Variants in HORMAD1 observed in about 807,000 individuals in gnomAD.
HORMAD1 encodes HORMA domain containing 1.
In HORMAD1, 33 loss-of-function variants were observed where a neutral mutation model predicts 58.2. The ratio of observed to expected loss-of-function variants is 0.57; its 90% confidence interval spans 0.43 to 0.76. The LOEUF is 0.76. HORMAD1 is among the 30% of genes least tolerant of loss of function. HORMAD1 has a pLI of 0.00. For missense variants in HORMAD1, 363 were observed against 462.0 expected (o/e 0.79, Z 1.96); for synonymous variants, 137 against 144.6 (o/e 0.95, Z 0.38).
chr1:150,714,223 A>C, intron 4 of HORMAD1, 102 bp from the exon 5 acceptor site: 1 of 680,992 alleles, frequency 1.5e-6, no homozygotes, highest in Non-Finnish European at 2.5e-6. Flanking sequence ...TAATACAAAA[A>C]TGTCTTATTA....
Position 150,698,747 on chromosome 1 carries a change from A to T in HORMAD1, c.1105-13T>A. The T allele has an allele frequency of 6.9e-7, 1 of 1,445,524 alleles. No individual in the cohort carries two copies. Among genetic ancestry groups the T allele is most frequent in the Non-Finnish European group, 9.6e-7 (1 of 1,038,640 alleles). The allele number at this position is 1,445,524 out of a possible 1,614,324, so 89.5% of individuals were successfully genotyped here. On this transcript the variant is annotated splice_polypyrimidine_tract_variant and intron_variant, in intron 14 of 14. Coordinates refer to ENST00000361824, the MANE Select transcript of HORMAD1 (RefSeq NM_032132.5). ...AGTGATGGAGGACCTGTCAAAAGAA[A>T]ACAACTACTAAGAATAGATACTTTC...
intron 8 of HORMAD1, 131 bp from the exon 9 acceptor site, chr1:150,708,538 G>C (rs1196397304): frequency 1.1e-5 from 6 of 535,208 alleles, no homozygotes; most frequent in Non-Finnish European, 1.9e-5. Flanking sequence ...GTTACCATGT[G>C]TTTTAATGTC....
chr1:150,699,135 A>G (rs1451503260), intron 14 of HORMAD1, among the ~76,000 whole-genome samples: 1 of 152,234 alleles, frequency 6.6e-6, no homozygotes, highest in African/African-American at 2.4e-5. Flanking sequence ...TTGAGACGTT[A>G]ACATTTGAGT....
rs1651990283 is a variant in HORMAD1, at chr1:150,714,132, A to C, written c.243-11T>G. 1 of 1,493,114 alleles carries C rather than the reference A, an allele frequency of 6.7e-7. No individual in the cohort carries two copies. Among genetic ancestry groups the C allele is most frequent in the African/African-American group, 1.4e-5 (1 of 71,432 alleles). The allele number at this position is 1,493,114 out of a possible 1,614,324, so 92.5% of individuals were successfully genotyped here. ...TAACATCCTAGCATCCTAAAAAAAAAATCAAGGATTCATTTTTAGACTGAA... is the reference window on the plus strand; with the variant it reads ...TAACATCCTAGCATCCTAAAAAAAACATCAAGGATTCATTTTTAGACTGAA... On this transcript the variant is annotated splice_polypyrimidine_tract_variant and intron_variant, in intron 4 of 14. Coordinates refer to ENST00000361824, the MANE Select transcript of HORMAD1 (RefSeq NM_032132.5).
chr1:150,706,690 T>G lies in HORMAD1; in HGVS notation c.667A>C (p.Lys223Gln), dbSNP rs1651704814. ...GEVSTPFHIF[K>Q]VKVTTERERM... Reference sequence around the variant, plus strand: ...TCTCTCTCAGTGGTCACTTTTACTTTGAAGATGTGAAAAGGTGTTGAGACT... The same window carrying G: ...TCTCTCTCAGTGGTCACTTTTACTTGGAAGATGTGAAAAGGTGTTGAGACT... Residue 223 changes from lysine to glutamine, a missense_variant, in exon 10 of 15, where the codon AAA becomes CAA. Lys to Gln is a moderately conservative substitution (Grantham distance 53, BLOSUM62 1). Transcript: ENST00000361824. 1 of 1,613,810 alleles carries G rather than the reference T, an allele frequency of 6.2e-7. No homozygotes were observed. Among genetic ancestry groups the G allele is most frequent in the South Asian group, 1.1e-5 (1 of 91,082 alleles).
chr1:150,713,101 C>G (rs1164670935), intron 5 of HORMAD1, among the ~76,000 whole-genome samples: 1 of 152,168 alleles, frequency 6.6e-6, no homozygotes, highest in African/African-American at 2.4e-5. Flanking sequence ...AAAATCAATG[C>G]CTGGCTGGTT....
In HORMAD1 at chr1:150,698,562, T is replaced by C. The variant is rs587678125; in HGVS notation, c.*92A>G. Reference sequence around the variant, plus strand: ...AGTGTACAAACTGCTTTAAACTACATATACATCTTCAGAGTTAGGGAAATA... The same window carrying C: ...AGTGTACAAACTGCTTTAAACTACACATACATCTTCAGAGTTAGGGAAATA... On this transcript the variant is annotated 3_prime_UTR_variant, in exon 15 of 15. Transcript: ENST00000361824. The C allele has an allele frequency of 3.0e-6, 2 of 664,632 alleles. No homozygotes were observed. Among genetic ancestry groups the C allele is most frequent in the South Asian group, 4.3e-5 (2 of 46,246 alleles). The allele number at this position is 664,632 out of a possible 1,614,324, so 41.2% of individuals were successfully genotyped here.
intron 2 of HORMAD1, among the ~76,000 whole-genome samples, chr1:150,718,975 T>TTCAAAATACTTCA (rs879379630): frequency 0.54 from 24,864 of 46,208 alleles, 12,278 homozygotes; most frequent in Middle Eastern, 0.68. Flanking sequence ...TCTCAATTAA[T>TTCAAAATACTTCA]GCCGGGCGCG....
Position 150,698,621 on chromosome 1 carries a change from G to T in HORMAD1, c.*33C>A, listed in dbSNP as rs749577831. 7 of 1,118,398 alleles carry T rather than the reference G, an allele frequency of 6.3e-6. No homozygotes were observed. Among genetic ancestry groups the T allele is most frequent in the Non-Finnish European group, 9.4e-6 (7 of 741,310 alleles). The allele number at this position is 1,118,398 out of a possible 1,614,324, so 69.3% of individuals were successfully genotyped here. ...GGTCCTTCAGTTTAAATGGTGAGAA[G>T]AACTCTGCAAGCCTGCAGAACAAAA... On this transcript the variant is annotated 3_prime_UTR_variant, in exon 15 of 15. Transcript: ENST00000361824.
chr1:150,702,729 C>T (rs1031349073), intron 13 of HORMAD1, among the ~76,000 whole-genome samples: 5 of 152,072 alleles, frequency 3.3e-5, no homozygotes, highest in Admixed American at 1.3e-4. Context: ...GAACAATACA[C>T]ACTGGGGCCT....
chr1:150,715,396 T>C (rs1309340824), intron 3 of HORMAD1, among the ~76,000 whole-genome samples: 6 of 152,270 alleles, frequency 3.9e-5, no homozygotes, highest in Admixed American at 2.0e-4. Context: ...TGGAAAAGAC[T>C]GAGAGTCTCT....
chr1:150,705,450 GGGA>G (rs1242427802), intron 10 of HORMAD1, among the ~76,000 whole-genome samples: 5 of 152,006 alleles, frequency 3.3e-5, no homozygotes, highest in Non-Finnish European at 7.4e-5. Context: ...ACTTGAACCT[GGGA>G]GGAGGAGGTT....
chr1:150,715,054 GGATTACAGGC>G (rs1652027563), intron 3 of HORMAD1, among the ~76,000 whole-genome samples: 1 of 151,850 alleles, frequency 6.6e-6, no homozygotes, highest in South Asian at 2.1e-4. Context: ...CAAAGTGCTG[GGATTACAGGC>G]GTGAGCCACC....
intron 13 of HORMAD1, among the ~76,000 whole-genome samples, chr1:150,702,270 C>G (rs1651557617): frequency 6.6e-6 from 1 of 152,006 alleles, no homozygotes; most frequent in African/African-American, 2.4e-5. Context: ...AGTTAAGAAA[C>G]AACAGATGCT....
At position 150,714,633 on chromosome 1, in the gene HORMAD1, G is replaced by A. The variant is rs766568192; in HGVS notation, c.224C>T (p.Ser75Phe). 2.6e-6 allele frequency: 4 copies of A among 1,520,300 alleles called. No homozygotes were observed. The highest frequency in any genetic ancestry group is 3.6e-6 in the Non-Finnish European group (4 of 1,113,212). The allele number at this position is 1,520,300 out of a possible 1,614,324, so 94.2% of individuals were successfully genotyped here. Residue 75 changes from serine (S) to phenylalanine (F), a missense_variant, in exon 4 of 15, where the codon TCT becomes TTT. Physicochemically the swap from Ser to Phe is radical, Grantham distance 155. Transcript: ENST00000361824. ...TACTTGCCATTTCACTAACTGTGTAGATCCTGGGCAATTTTTATCTTCTCT... is the reference window on the plus strand; with the variant it reads ...TACTTGCCATTTCACTAACTGTGTAAATCCTGGGCAATTTTTATCTTCTCT... ...ILREDKNCPG[S>F]TQLVKWMLGC...
At chr1:150,708,162 T>A in intron 9 of HORMAD1, 94 bp downstream of exon 9, 1 of 970,300 alleles carries the variant, frequency 1.0e-6, no homozygotes. Context: ...TTTCAAAAAA[T>A]TTAGGTGCTA....
chr1:150,711,400 T>C (rs1651897972), intron 7 of HORMAD1, 145 bp downstream of exon 7: 1 of 649,410 alleles, frequency 1.5e-6, no homozygotes, highest in African/African-American at 1.8e-5. Flanking sequence ...CTCAGAAGAG[T>C]TTTATGAAGC....
At chr1:150,717,798 C>T (rs752159966) in intron 2 of HORMAD1, among the ~76,000 whole-genome samples, 3 of 151,922 alleles carry the variant, frequency 2.0e-5, no homozygotes, top group Non-Finnish European at 4.4e-5. Flanking sequence ...GGCGTGGTGG[C>T]AGGCACCTGT....
At chr1:150,717,429 G>A in intron 2 of HORMAD1, 147 bp from the exon 3 acceptor site, 2 of 427,810 alleles carry the variant, frequency 4.7e-6, no homozygotes. Context: ...CCAAAAGTCA[G>A]AGCGGCATGT....
Sources: gnomAD v4.1 joint callset for allele counts (sites outside exome capture counted in the v4.1 genomes callset) on GRCh38, gnomAD v4.1.1 for gene constraint, MANE v1.5 for transcripts, NCBI Gene and HGNC (gene_info 2026-07-23, HGNC 2026-07-21) for gene names.